Variants in RBM20 observed in about 807,000 individuals in gnomAD.
RBM20 encodes RNA binding motif protein 20, also known as RNA-binding protein 20.
RBM20 carries 51 observed loss-of-function variants against 110.1 expected under a neutral mutation model. The ratio of observed to expected loss-of-function variants is 0.46; its 90% CI spans 0.37 to 0.59. RBM20 has a LOEUF of 0.59. Among genes scored for constraint, RBM20 ranks in the 20% least tolerant of loss-of-function variants. RBM20 has a pLI of 0.00. For missense variants in RBM20, 1,512 were observed against 1,574.9 expected (o/e 0.96, Z 0.68); for synonymous variants, 589 against 618.2 (o/e 0.95, Z 0.70).
chr10:110,828,445 C>A (rs1737139142), intron 12 of RBM20, among the ~76,000 whole-genome samples: 1 of 151,368 alleles, frequency 6.6e-6, no homozygotes, highest in Admixed American at 6.6e-5. Flanking sequence ...CCTGGTACTG[C>A]CTGAACTTGC....
intron 1 of RBM20, among the ~76,000 whole-genome samples, chr10:110,674,297 C>T (rs1862301795): frequency 1.3e-5 from 2 of 152,210 alleles, no homozygotes; most frequent in Admixed American, 6.5e-5. Flanking sequence ...TATCAGTTCA[C>T]ATATTCTGCA....
chr10:110,763,341 C>T (rs747264714), intron 1 of RBM20, among the ~76,000 whole-genome samples: 3 of 151,958 alleles, frequency 2.0e-5, no homozygotes, highest in Non-Finnish European at 4.4e-5. Flanking sequence ...ATAGGAGAAT[C>T]TAGTAAGCCT....
rs550640819 is a variant in RBM20, at chr10:110,644,858, T to A, written c.191+213T>A. Among the ~76,000 whole-genome samples, 1 of 152,314 alleles carries A rather than the reference T, an allele frequency of 6.6e-6. No homozygotes were observed. Among genetic ancestry groups the A allele is most frequent in the South Asian group, 2.1e-4 (1 of 4,822 alleles). ...CCAAGTTCTTTAGGGAAAATTATTT[T>A]GTTTTTCCTTATCTCCTTTCTCTTC... On this transcript the variant is annotated intron_variant, in intron 1 of 13. Transcript: ENST00000369519. The surrounding 1 kb of genome is among the most constrained non-coding windows in gnomAD (Gnocchi z 4.3).
intron 1 of RBM20, among the ~76,000 whole-genome samples, chr10:110,649,257 T>A (rs565984077): frequency 3.3e-5 from 5 of 152,012 alleles, no homozygotes; most frequent in African/African-American, 1.2e-4. Context: ...ATATATTTAT[T>A]TATTTATTTT....
Position 110,778,212 on chromosome 10 carries a change from G to A in RBM20, c.192-2589G>A, listed in dbSNP as rs929993846. ...GCCCTCTTCCCCCATATTTTAAAAT[G>A]CAGCCAGCCTGTTCTGCCCTTGGAG... On this transcript the variant is annotated intron_variant, in intron 1 of 13. Coordinates refer to ENST00000369519, the MANE Select transcript of RBM20 (RefSeq NM_001134363.3). 3.3e-5 allele frequency among the ~76,000 whole-genome samples: 5 copies of A among 152,360 alleles called. No individual in the cohort carries two copies. In the East Asian group the frequency reaches 9.6e-4, roughly 29 times the overall value.
chr10:110,731,104 A>AT (rs1843616915), intron 1 of RBM20, among the ~76,000 whole-genome samples: 1 of 151,958 alleles, frequency 6.6e-6, no homozygotes, highest in East Asian at 1.9e-4. Context: ...GTTTTGTTTT[A>AT]TTTTTTCTCG....
intron 1 of RBM20, among the ~76,000 whole-genome samples, chr10:110,711,073 C>T (rs953107088): frequency 1.3e-5 from 2 of 151,942 alleles, no homozygotes; most frequent in African/African-American, 4.8e-5. Flanking sequence ...TGTGATTAGA[C>T]TCCAGCCGGG....
intron 1 of RBM20, among the ~76,000 whole-genome samples, chr10:110,685,744 C>T (rs1862494545): frequency 7.1e-6 from 1 of 141,576 alleles, no homozygotes; most frequent in Non-Finnish European, 1.6e-5. Context: ...TAGCCTTGGG[C>T]GGGAGGGTCG....
intron 1 of RBM20, among the ~76,000 whole-genome samples, chr10:110,694,124 A>T (rs1465386119): frequency 6.6e-6 from 1 of 152,196 alleles, no homozygotes; most frequent in Non-Finnish European, 1.5e-5. Context: ...ACAGTCATTC[A>T]TGCAACAAGC....
At chr10:110,822,603 G>A (rs1321161769) in intron 11 of RBM20, 13 of 400,910 alleles carry the variant, frequency 3.2e-5, no homozygotes, top group Non-Finnish European at 5.4e-5. Context: ...GGGGGAGGGA[G>A]AGAGAGTAGC....
chr10:110,776,737 T>G (rs943119249), intron 1 of RBM20, among the ~76,000 whole-genome samples: 1 of 152,232 alleles, frequency 6.6e-6, no homozygotes, highest in Non-Finnish European at 1.5e-5. Context: ...CCCTTTACCA[T>G]GTAAGATAAC....
At chr10:110,696,187 C>T (rs1862660843) in intron 1 of RBM20, among the ~76,000 whole-genome samples, 1 of 152,220 alleles carries the variant, frequency 6.6e-6, no homozygotes, top group Non-Finnish European at 1.5e-5. Context: ...GAATTGTACG[C>T]ATCCTTATTT....
intron 1 of RBM20, among the ~76,000 whole-genome samples, chr10:110,648,514 G>C (rs965793821): frequency 6.6e-6 from 1 of 152,102 alleles, no homozygotes; most frequent in African/African-American, 2.4e-5. Context: ...ATTCATACTT[G>C]GTCCTTTCTG....
Position 110,835,876 on chromosome 10 carries a change from G to C in RBM20, c.3582G>C (p.Leu1194Phe). ...AVHYRNLQKY[L>F]SQLAEEGLKE... ...CCCTCTTCTTTCCACAGAAATATTTGTCCCAGCTGGCCGAGGAGGGCCTCA... is the reference window on the plus strand; with the variant it reads ...CCCTCTTCTTTCCACAGAAATATTTCTCCCAGCTGGCCGAGGAGGGCCTCA... The change falls in exon 14 of 14, where the codon TTG (leucine) becomes TTC (phenylalanine). Residue 1194 changes from leucine to phenylalanine, a missense_variant. Physicochemically the swap from Leu to Phe is conservative, Grantham distance 22 (BLOSUM62 0). Around this residue, in one of 3 missense-constraint regions of RBM20, gnomAD observed 358 missense variants for 384.2 expected, o/e 0.93. Transcript: ENST00000369519. 2 of 1,550,542 alleles carry C rather than the reference G, an allele frequency of 1.3e-6. No individual in the cohort carries two copies. The highest frequency in any genetic ancestry group is 1.7e-6 in the Non-Finnish European group (2 of 1,146,258).
At chr10:110,801,400 C>T (rs1844621620) in intron 7 of RBM20, among the ~76,000 whole-genome samples, 1 of 150,680 alleles carries the variant, frequency 6.6e-6, no homozygotes, top group African/African-American at 2.4e-5. Context: ...GCACTCTAGC[C>T]TGGGCAACAA....
At position 110,783,413 on chromosome 10, in the gene RBM20, G is replaced by A. The variant is rs2135048127; in HGVS notation, c.1323G>A (p.Leu441=). The A allele has an allele frequency of 1.3e-6, 2 of 1,550,992 alleles. No homozygotes were observed. The highest frequency in any genetic ancestry group is 1.7e-6 in the Non-Finnish European group (2 of 1,146,474). The stretch of plus-strand genomic sequence containing the variant: ...GGAAGCTGCACGCTCAGAAATGCCT[G>A]GTCTTCTCTGAAAAGTAAGTGCTGT... ...VKGKLHAQKC[L]VFSENAGIRC... The change falls in exon 3 of 14, where the codon CTG becomes CTA. Residue 441 remains leucine, a synonymous_variant. Transcript: ENST00000369519.
chr10:110,743,830 G>T (rs902646933), intron 1 of RBM20, among the ~76,000 whole-genome samples: 1 of 152,154 alleles, frequency 6.6e-6, no homozygotes, highest in East Asian at 1.9e-4. Context: ...TAGCCAGGCT[G>T]GTCTTGAACT....
chr10:110,687,376 G>A (rs1862520766), intron 1 of RBM20, among the ~76,000 whole-genome samples: 1 of 152,210 alleles, frequency 6.6e-6, no homozygotes, highest in Admixed American at 6.5e-5. Context: ...GTTGGATGAT[G>A]TGACAAAACA....
chr10:110,737,639 A>G (rs949897791), intron 1 of RBM20, among the ~76,000 whole-genome samples: 4 of 146,080 alleles, frequency 2.7e-5, no homozygotes, highest in Non-Finnish European at 4.5e-5. Context: ...TTTTGAGTTT[A>G]ACGTAATTGG....
Sources: gnomAD v4.1 joint callset for allele counts (sites outside exome capture counted in the v4.1 genomes callset) on GRCh38, gnomAD v4.1.1 for gene constraint, gnomAD v4.1.1 regional missense constraint, Gnocchi (gnomAD v3.1) non-coding constraint, MANE v1.5 for transcripts, NCBI Gene and HGNC (gene_info 2026-07-23, HGNC 2026-07-21) for gene names.